ZNF385D: variants seen among roughly 807,000 people sequenced by gnomAD.
The protein encoded by ZNF385D is zinc finger protein 385D.
Under a neutral mutation model 35.8 loss-of-function variants are expected in ZNF385D, and 15 were observed. The observed-to-expected ratio is 0.42, with a 90% CI of 0.28 to 0.64. The LOEUF (loss-of-function observed/expected upper bound fraction) is 0.64, where lower values mean the gene tolerates loss of function less well. ZNF385D is among the 30% of genes least tolerant of loss of function. ZNF385D has a pLI of 0.23. For missense variants in ZNF385D, 474 were observed against 494.6 expected (o/e 0.96, Z 0.39); for synonymous variants, 212 against 186.8 (o/e 1.13, Z -1.10).
At chr3:22,067,815 A>G (rs967661609) in intron 3 of ZNF385D, among the ~76,000 whole-genome samples, 1 of 152,172 alleles carries the variant, frequency 6.6e-6, no homozygotes, top group Non-Finnish European at 1.5e-5. Context: ...TGAGGTCAAG[A>G]GATCGAGACC....
intron 2 of ZNF385D, among the ~76,000 whole-genome samples, chr3:22,213,173 T>C (rs1442009372): frequency 6.6e-6 from 1 of 152,116 alleles, no homozygotes; most frequent in Non-Finnish European, 1.5e-5. Context: ...AAAATTATAA[T>C]AATGTCATAG....
chr3:21,887,940 T>C (rs528504264), intron 3 of ZNF385D, among the ~76,000 whole-genome samples: 1 of 152,256 alleles, frequency 6.6e-6, no homozygotes, highest in South Asian at 2.1e-4. Context: ...ATTGAAATAA[T>C]ATTAATACTT....
chr3:22,291,975 T>G (rs1414643622), intron 2 of ZNF385D, among the ~76,000 whole-genome samples: 2 of 152,068 alleles, frequency 1.3e-5, no homozygotes, highest in Non-Finnish European at 2.9e-5. Flanking sequence ...TAGAACTGGT[T>G]AATCTTCACA....
chr3:22,068,448 CT>C (rs1700070281), intron 3 of ZNF385D, among the ~76,000 whole-genome samples: 1 of 152,062 alleles, frequency 6.6e-6, no homozygotes, highest in African/African-American at 2.4e-5. Flanking sequence ...TTTTCCTTTT[CT>C]TTTTCTGTCT....
intron 3 of ZNF385D, among the ~76,000 whole-genome samples, chr3:22,097,076 A>G (rs1345146974): frequency 2.6e-5 from 4 of 151,598 alleles, no homozygotes; most frequent in African/African-American, 9.7e-5. Context: ...CTTGTCAGCT[A>G]TGTGAGTCAT....
intron 3 of ZNF385D, among the ~76,000 whole-genome samples, chr3:21,872,172 C>T (rs1004215091): frequency 6.6e-6 from 1 of 152,102 alleles, no homozygotes; most frequent in Non-Finnish European, 1.5e-5. Context: ...AAGTTAAAAA[C>T]ACACAAATTA....
chr3:21,869,992 A>T (rs1370698288), intron 3 of ZNF385D, among the ~76,000 whole-genome samples: 1 of 152,200 alleles, frequency 6.6e-6, no homozygotes, highest in Non-Finnish European at 1.5e-5. Context: ...ATATTTTTAT[A>T]TCCCACTGTG....
intron 3 of ZNF385D, among the ~76,000 whole-genome samples, chr3:21,913,312 C>T (rs1325970576): frequency 6.6e-6 from 1 of 152,090 alleles, no homozygotes; most frequent in Non-Finnish European, 1.5e-5. Flanking sequence ...TAACTGTACC[C>T]TCCTCACATA....
intron 3 of ZNF385D, among the ~76,000 whole-genome samples, chr3:22,135,205 G>C (rs1377335333): frequency 6.6e-6 from 1 of 152,042 alleles, no homozygotes; most frequent in Non-Finnish European, 1.5e-5. Flanking sequence ...CTTATTTATA[G>C]ACATATTGGC....
At chr3:21,945,268 T>A (rs1701726231) in intron 3 of ZNF385D, among the ~76,000 whole-genome samples, 2 of 152,032 alleles carry the variant, frequency 1.3e-5, no homozygotes, top group Admixed American at 1.3e-4. Flanking sequence ...CCACACAGGC[T>A]GGGATAGAAA....
At chr3:22,336,322 G>T (rs1454282592) in intron 2 of ZNF385D, among the ~76,000 whole-genome samples, 2 of 152,084 alleles carry the variant, frequency 1.3e-5, no homozygotes, top group African/African-American at 4.8e-5. Context: ...ATTGCAACTT[G>T]TACAATACCA....
chr3:21,950,668 T>C (rs947394850), intron 3 of ZNF385D, among the ~76,000 whole-genome samples: 12 of 151,956 alleles, frequency 7.9e-5, no homozygotes, highest in Admixed American at 5.2e-4. Context: ...TCTAGGGTTT[T>C]TATGGTTTTA....
intron 3 of ZNF385D, among the ~76,000 whole-genome samples, chr3:22,010,160 A>G (rs1696480225): frequency 1.3e-5 from 2 of 152,206 alleles, no homozygotes; most frequent in South Asian, 4.1e-4. Flanking sequence ...TAATAAAAAT[A>G]TGAAAAAAGT....
At chr3:22,292,715 T>C (rs923598264) in intron 2 of ZNF385D, among the ~76,000 whole-genome samples, 8 of 152,160 alleles carry the variant, frequency 5.3e-5, no homozygotes, top group Non-Finnish European at 1.0e-4. Context: ...ATTTGTTTTC[T>C]GTATTTGATA....
chr3:21,883,084 T>C (rs1437929211), intron 3 of ZNF385D, among the ~76,000 whole-genome samples: 1 of 151,908 alleles, frequency 6.6e-6, no homozygotes, highest in African/African-American at 2.4e-5. Context: ...CTTTAAGAAG[T>C]GTACTAAGAA....
intron 3 of ZNF385D, among the ~76,000 whole-genome samples, chr3:22,130,702 T>C (rs1213952815): frequency 2.0e-5 from 3 of 152,232 alleles, no homozygotes; most frequent in Middle Eastern, 3.4e-3. Context: ...AGGGGCGGTG[T>C]AGACAATTCA....
intron 3 of ZNF385D, among the ~76,000 whole-genome samples, chr3:21,556,274 G>GT (rs2062739918): frequency 6.6e-6 from 1 of 152,000 alleles, no homozygotes; most frequent in South Asian, 2.1e-4. Context: ...TGCTTTTAGT[G>GT]TTTTAGTCAT....
intron 3 of ZNF385D, among the ~76,000 whole-genome samples, chr3:22,108,139 A>T (rs138624425): frequency 6.6e-6 from 1 of 152,210 alleles, no homozygotes; most frequent in African/African-American, 2.4e-5. Context: ...GCATTCTGTT[A>T]CAGCAGCATA....
intron 3 of ZNF385D, among the ~76,000 whole-genome samples, chr3:21,961,093 TAATA>T (rs1702562465): frequency 6.6e-6 from 1 of 152,014 alleles, no homozygotes; most frequent in South Asian, 2.1e-4. Context: ...CACAAAGAAA[TAATA>T]AATGAGGAGA....
Sources: allele counts gnomAD v4.1 joint callset (sites outside exome capture counted in the v4.1 genomes callset), GRCh38; gene constraint gnomAD v4.1.1; transcripts MANE v1.5; gene names NCBI Gene and HGNC (gene_info 2026-07-23, HGNC 2026-07-21).